Variants in RTN1 observed in about 807,000 individuals in gnomAD.
The protein encoded by RTN1 is reticulon 1.
Under a neutral mutation model 65.5 loss-of-function variants are expected in RTN1, and 25 were observed. The observed-to-expected ratio is 0.38, with a 90% confidence interval of 0.28 to 0.53. The LOEUF (loss-of-function observed/expected upper bound fraction) is 0.53. Ranked by LOEUF, RTN1 falls within the 20% of genes least tolerant of loss-of-function variation. RTN1 has a pLI of 0.79. For missense variants in RTN1, 983 were observed against 1,025.4 expected, an observed-to-expected ratio of 0.96 and a Z score of 0.57; for synonymous variants, 471 against 447.6, an observed-to-expected ratio of 1.05 and a Z score of -0.66.
intron 3 of RTN1, among the ~76,000 whole-genome samples, chr14:59,678,103 G>C (rs930888824): frequency 1.3e-5 from 2 of 152,174 alleles, no homozygotes; most frequent in African/African-American, 4.8e-5. Flanking sequence ...GAATTGCCAA[G>C]AAGGGAACAA....
At chr14:59,838,025 G>A (rs1759521930) in intron 1 of RTN1, among the ~76,000 whole-genome samples, 2 of 151,964 alleles carry the variant, frequency 1.3e-5, no homozygotes, top group South Asian at 4.2e-4. Context: ...CTGAGGTTTG[G>A]GGTACAAATG....
intron 8 of RTN1, among the ~76,000 whole-genome samples, chr14:59,598,721 A>C (rs1314603392): frequency 6.6e-6 from 1 of 152,182 alleles, no homozygotes; most frequent in African/African-American, 2.4e-5. Context: ...ATTTCATTCA[A>C]ATCTCAGAAC....
At chr14:59,769,363 G>A (rs557279081) in intron 1 of RTN1, among the ~76,000 whole-genome samples, 5 of 152,176 alleles carry the variant, frequency 3.3e-5, no homozygotes, top group African/African-American at 1.2e-4. Flanking sequence ...CATTTCTGAG[G>A]CTTAAAGTGC....
intron 3 of RTN1, among the ~76,000 whole-genome samples, chr14:59,636,384 T>G (rs1882665820): frequency 6.6e-6 from 1 of 152,152 alleles, no homozygotes; most frequent in Admixed American, 6.5e-5. Context: ...TCTCGCCATG[T>G]GATGTGCCTG....
chr14:59,651,725 C>A (rs1342178935), intron 3 of RTN1, among the ~76,000 whole-genome samples: 1 of 151,834 alleles, frequency 6.6e-6, no homozygotes, highest in African/African-American at 2.4e-5. Context: ...GTGACAGAGA[C>A]TCCATCTCAA....
intron 1 of RTN1, among the ~76,000 whole-genome samples, chr14:59,783,099 G>A (rs189566654): frequency 5.3e-5 from 8 of 152,306 alleles, no homozygotes; most frequent in Non-Finnish European, 2.9e-5. Flanking sequence ...CAGAAAAAAG[G>A]TTAGGAAAGC....
Position 59,792,956 on chromosome 14 carries a change from C to T in RTN1, c.242-46475G>A, listed in dbSNP as rs922433835. Among the ~76,000 whole-genome samples, 18 of 152,106 alleles carry T rather than the reference C, an allele frequency of 1.2e-4. 1 individual carries two copies. The highest frequency in any genetic ancestry group is 8.5e-4 in the Admixed American group (13 of 15,270). ...AAATGATCTATATTACTTCATGTGC[C>T]AATAGCAAGGTAATACAACAATGAA... is the stretch of plus-strand genomic sequence containing the variant. On this transcript the variant is annotated intron_variant, in intron 1 of 8. Transcript: ENST00000267484.
intron 1 of RTN1, among the ~76,000 whole-genome samples, chr14:59,838,681 A>G (rs1887256904): frequency 6.6e-6 from 1 of 152,188 alleles, no homozygotes; most frequent in Admixed American, 6.5e-5. Context: ...ATTAAGATAT[A>G]AAGGACACAT....
At chr14:59,680,008 C>A (rs999119096) in intron 3 of RTN1, among the ~76,000 whole-genome samples, 2 of 152,162 alleles carry the variant, frequency 1.3e-5, no homozygotes, top group African/African-American at 4.8e-5. Context: ...TACAACATAG[C>A]AACAATGAAA....
chr14:59,652,997 GA>G (rs947927645), intron 3 of RTN1, among the ~76,000 whole-genome samples: 1 of 151,230 alleles, frequency 6.6e-6, no homozygotes, highest in Non-Finnish European at 1.5e-5. Flanking sequence ...GAAAGAAACA[GA>G]AAAAAAATTT....
At chr14:59,706,950 A>G (rs535798247) in intron 3 of RTN1, among the ~76,000 whole-genome samples, 1 of 152,306 alleles carries the variant, frequency 6.6e-6, no homozygotes, top group Non-Finnish European at 1.5e-5. Context: ...GAGGGTTGGT[A>G]AAGCATACAG....
chr14:59,709,349 A>G (rs1884365994), intron 3 of RTN1, among the ~76,000 whole-genome samples: 1 of 152,230 alleles, frequency 6.6e-6, no homozygotes, highest in Non-Finnish European at 1.5e-5. Context: ...AATGTCTCAA[A>G]AAATGGAGCT....
chr14:59,835,748 A>G (rs958102187), intron 1 of RTN1, among the ~76,000 whole-genome samples: 3 of 152,192 alleles, frequency 2.0e-5, no homozygotes, highest in Non-Finnish European at 4.4e-5. Flanking sequence ...ATTATGTCCT[A>G]AGGCTTCTCT....
intron 1 of RTN1, among the ~76,000 whole-genome samples, chr14:59,850,069 C>T (rs1480611616): frequency 6.6e-6 from 1 of 152,140 alleles, no homozygotes. Context: ...TCTGGTGTCT[C>T]TTCTCCTGTC....
intron 1 of RTN1, among the ~76,000 whole-genome samples, chr14:59,795,006 A>T (rs1886414596): frequency 1.3e-5 from 2 of 152,168 alleles, no homozygotes; most frequent in South Asian, 4.1e-4. Context: ...ATCTTCTATG[A>T]TCTACCAAGT....
chr14:59,764,141 G>A (rs1033149373), intron 1 of RTN1, among the ~76,000 whole-genome samples: 11 of 152,144 alleles, frequency 7.2e-5, no homozygotes, highest in African/African-American at 1.9e-4. Flanking sequence ...TTGTAACTCA[G>A]GCCAGAGGGA....
chr14:59,775,975 A>C (rs1340809173), intron 1 of RTN1, among the ~76,000 whole-genome samples: 1 of 152,210 alleles, frequency 6.6e-6, no homozygotes. Context: ...CTAATAATTT[A>C]ACAATGAAAT....
rs908645929 is a variant in RTN1 at position 59,705,486 on chromosome 14, T to A, written c.1765+21433A>T. 2.0e-5 allele frequency among the ~76,000 whole-genome samples: 3 copies of A among 152,236 alleles called. No individual in the cohort carries two copies. The South Asian group carries it at 6.2e-4, about 32-fold the overall frequency. On this transcript the variant is annotated intron_variant, in intron 3 of 8. Transcript: ENST00000267484. ...GCTATTAAAGCAATGATTCTTTTTATGTGCCTCACGTCCCAGTAAGCCAAA... is the reference window on the plus strand; with the variant it reads ...GCTATTAAAGCAATGATTCTTTTTAAGTGCCTCACGTCCCAGTAAGCCAAA...
At chr14:59,860,526 G>A (rs1887689813) in intron 1 of RTN1, among the ~76,000 whole-genome samples, 1 of 152,226 alleles carries the variant, frequency 6.6e-6, no homozygotes, top group Admixed American at 6.5e-5. Context: ...CCCTACTGGT[G>A]TACCACATAG....
Sources: gnomAD v4.1 joint callset for allele counts (sites outside exome capture counted in the v4.1 genomes callset) on GRCh38, gnomAD v4.1.1 for gene constraint, MANE v1.5 for transcripts, NCBI Gene and HGNC (gene_info 2026-07-23, HGNC 2026-07-21) for gene names.